RTL9: variants seen among roughly 807,000 people sequenced by gnomAD.
RTL9 encodes retrotransposon Gag like 9.
A neutral mutation model predicts 44.7 loss-of-function variants in RTL9; 19 were observed. The observed-to-expected ratio is 0.42, with a 90% CI of 0.30 to 0.62. The LOEUF is 0.62. RTL9 is among the 20% of genes least tolerant of loss of function. The pLI is 0.16. For missense variants in RTL9, 1,105 were observed against 1,080.6 expected, an observed-to-expected ratio of 1.02 and a Z score of -0.32; for synonymous variants, 407 against 398.9, an observed-to-expected ratio of 1.02 and a Z score of -0.24.
chrX:110,393,067 C>T (rs1344862931), intron 1 of RTL9, among the ~76,000 whole-genome samples: 2 of 111,609 alleles, frequency 1.8e-5, no homozygotes, highest in Non-Finnish European at 1.9e-5. Context: ...GCACAATTTG[C>T]ACATTGTCCC....
chrX:110,396,242 A>G lies in RTL9; in HGVS notation c.-168+37326A>G, dbSNP rs775492541. Among the ~76,000 whole-genome samples, 11 of 111,160 alleles carry G rather than the reference A, an allele frequency of 9.9e-5. No homozygotes were observed. The South Asian group carries it at 3.5e-3, about 35-fold the overall frequency. On this transcript the variant is annotated intron_variant, in intron 1 of 2. Coordinates refer to the RTL9 transcript ENST00000520821. ...GAAAAAAATTATTATGGAAATTTTC[A>G]AACACATACACAAAAGTAAAAAATA...
chrX:110,377,992 G>A (rs889892749), intron 1 of RTL9, among the ~76,000 whole-genome samples: 1 of 82,131 alleles, frequency 1.2e-5, no homozygotes, highest in Non-Finnish European at 2.2e-5. Context: ...CTGGGCGACA[G>A]AGCGAGACTC....
chrX:110,410,121 G>C (rs1489278738), intron 1 of RTL9, among the ~76,000 whole-genome samples: 2 of 111,728 alleles, frequency 1.8e-5, no homozygotes, highest in Non-Finnish European at 3.8e-5. Flanking sequence ...GTAGCCAGCT[G>C]AGTCACCGAC....
intron 1 of RTL9, among the ~76,000 whole-genome samples, chrX:110,406,334 C>T (rs1228528127): frequency 1.8e-5 from 2 of 109,305 alleles, no homozygotes; most frequent in African/African-American, 6.7e-5. Flanking sequence ...TCAACTCCCA[C>T]TTATGAGTGA....
At chrX:110,430,770 A>G (rs2068790971) in intron 1 of RTL9, among the ~76,000 whole-genome samples, 1 of 112,591 alleles carries the variant, frequency 8.9e-6, no homozygotes, top group Non-Finnish European at 1.9e-5. Flanking sequence ...GAAATGCTCA[A>G]CATAGATTTG....
intron 1 of RTL9, among the ~76,000 whole-genome samples, chrX:110,370,078 C>T (rs1357209736): frequency 2.7e-5 from 3 of 111,677 alleles, no homozygotes; most frequent in Non-Finnish European, 5.6e-5. Context: ...GTCCTAATTC[C>T]ACTGTTTGGA....
chrX:110,423,606 G>C (rs181569634), intron 1 of RTL9, among the ~76,000 whole-genome samples: 24 of 112,072 alleles, frequency 2.1e-4, no homozygotes, highest in Admixed American at 1.9e-3. Flanking sequence ...TGGTTTGTTT[G>C]TTTCTACCCA....
chrX:110,446,503 T>TA (rs1227065315), upstream of RTL9, among the ~76,000 whole-genome samples: 1 of 110,453 alleles, frequency 9.1e-6, no homozygotes, highest in East Asian at 2.8e-4. Context: ...AACATATCTT[T>TA]AAAAAAAATA....
At chrX:110,372,873 A>G (rs776112883) in intron 1 of RTL9, among the ~76,000 whole-genome samples, 1 of 111,931 alleles carries the variant, frequency 8.9e-6, no homozygotes, top group South Asian at 3.7e-4. Context: ...TGAGATTATA[A>G]GTCCTCTGTA....
chrX:110,423,148 C>A (rs1374420895), intron 1 of RTL9, among the ~76,000 whole-genome samples: 1 of 110,755 alleles, frequency 9.0e-6, no homozygotes, highest in Admixed American at 9.6e-5. Context: ...GCCAACATGG[C>A]GAAACCCTGT....
intron 1 of RTL9, among the ~76,000 whole-genome samples, chrX:110,426,167 C>T (rs138442977): frequency 1.1e-4 from 12 of 112,151 alleles, no homozygotes; most frequent in African/African-American, 3.6e-4. Flanking sequence ...GGTTTTGCAC[C>T]GGTGAGCAAA....
intron 1 of RTL9, among the ~76,000 whole-genome samples, chrX:110,370,608 T>C (rs755929570): frequency 5.3e-4 from 60 of 112,532 alleles, no homozygotes; most frequent in African/African-American, 1.7e-3. Flanking sequence ...TTCTTAACTT[T>C]TCCTAATTTG....
chrX:110,447,711 G>T (rs1480607204), upstream of RTL9, among the ~76,000 whole-genome samples: 1 of 111,199 alleles, frequency 9.0e-6, no homozygotes, highest in Non-Finnish European at 1.9e-5. Flanking sequence ...TAATGCATAT[G>T]TAGTGCTTAG....
chrX:110,361,469 T>C (rs2068263111), intron 1 of RTL9, among the ~76,000 whole-genome samples: 1 of 111,510 alleles, frequency 9.0e-6, no homozygotes, highest in East Asian at 2.8e-4. Context: ...AATTTTATTA[T>C]GTGAATGTCA....
At chrX:110,381,020 A>C (rs1228827884) in intron 1 of RTL9, among the ~76,000 whole-genome samples, 2 of 112,372 alleles carry the variant, frequency 1.8e-5, no homozygotes, top group Non-Finnish European at 1.9e-5. Context: ...TATCCTTTGG[A>C]CATCAGCCTA....
upstream of RTL9, among the ~76,000 whole-genome samples, chrX:110,418,110 G>T (rs1217184445): frequency 8.9e-6 from 1 of 112,794 alleles, no homozygotes; most frequent in African/African-American, 3.2e-5. Flanking sequence ...AGAACCCAAA[G>T]AGATGACTTG....
intron 1 of RTL9, among the ~76,000 whole-genome samples, chrX:110,398,889 G>A: frequency 8.9e-6 from 1 of 112,225 alleles, no homozygotes; most frequent in East Asian, 2.8e-4. Context: ...AGCAGTAGAG[G>A]CTGTTTGGAA....
chrX:110,370,676 A>C (rs1323398105), intron 1 of RTL9, among the ~76,000 whole-genome samples: 1 of 112,414 alleles, frequency 8.9e-6, no homozygotes, highest in African/African-American at 3.2e-5. Flanking sequence ...TTTCTTCCTC[A>C]AATGCCATCG....
chrX:110,380,410 G>A (rs980820453), intron 1 of RTL9, among the ~76,000 whole-genome samples: 4 of 111,377 alleles, frequency 3.6e-5, no homozygotes, highest in African/African-American at 1.3e-4. Context: ...GATCTCTACA[G>A]GGAGAATTAA....
Sources: gnomAD v4.1 joint callset for allele counts (sites outside exome capture counted in the v4.1 genomes callset) on GRCh38, gnomAD v4.1.1 for gene constraint, MANE v1.5 for transcripts, NCBI Gene and HGNC (gene_info 2026-07-23, HGNC 2026-07-21) for gene names.